The following TTF2 variants were observed in gnomAD, a reference collection of about 807,000 sequenced individuals.
The protein encoded by TTF2 is RNA polymerase II termination factor.
A neutral mutation model predicts 142.4 loss-of-function variants in TTF2; 108 were observed. That is an observed-to-expected ratio of 0.76 (90% CI 0.65 to 0.89). The LOEUF (loss-of-function observed/expected upper bound fraction) is 0.89, where lower values mean the gene tolerates loss of function less well. Among genes scored for constraint, TTF2 ranks in the 40% least tolerant of loss-of-function variants. The pLI, the probability that TTF2 is intolerant of heterozygous loss-of-function variation, is 0.00. For synonymous variants in TTF2, 483 were observed against 506.2 expected, an observed-to-expected ratio of 0.95 and a Z score of 0.61; for missense variants, 1,327 against 1,379.8, an observed-to-expected ratio of 0.96 and a Z score of 0.61.
Position 117,086,210 on chromosome 1 carries a change from G to A in TTF2, c.2055-207G>A, listed in dbSNP as rs1483437743. On this transcript the variant is annotated intron_variant, in intron 11 of 22. Transcript: ENST00000369466. This position sits in a 1 kb window ranked among gnomAD's most constrained non-coding sequence, Gnocchi z 4.2. ...AGACGGTAAATGATCAGAGGTAAGA[G>A]ATAGGGAAACCCAAGTGGGTAAAAT... Among the ~76,000 whole-genome samples, 1 of 151,956 alleles carries A rather than the reference G, an allele frequency of 6.6e-6. No homozygotes were observed.
intron 16 of TTF2, 34 bp downstream of exon 16, chr1:117,091,444 T>A (rs777708410): frequency 5.1e-6 from 8 of 1,564,296 alleles, no homozygotes; most frequent in Non-Finnish European, 6.1e-6. Context: ...TACATATGAC[T>A]GGTGAAAATG....
At chr1:117,081,420 T>G (rs1017429922) in intron 9 of TTF2, among the ~76,000 whole-genome samples, 1 of 152,194 alleles carries the variant, frequency 6.6e-6, no homozygotes, top group Non-Finnish European at 1.5e-5. Flanking sequence ...GAAGGCTATT[T>G]TAACTCCAGG....
intron 3 of TTF2, among the ~76,000 whole-genome samples, chr1:117,062,881 A>G (rs187316935): frequency 6.6e-6 from 1 of 152,342 alleles, no homozygotes; most frequent in East Asian, 1.9e-4. Context: ...TGGGAAGGGC[A>G]GAGAAGTCTA....
chr1:117,079,701 C>T lies in TTF2; in HGVS notation c.1783+52C>T, dbSNP rs1647325274. 2 of 1,523,600 alleles carry T rather than the reference C, an allele frequency of 1.3e-6. No homozygotes were observed. The highest frequency in any genetic ancestry group is 1.8e-6 in the Non-Finnish European group (2 of 1,097,370). 94.4% of individuals were successfully genotyped at this position (1,523,600 alleles called of 1,614,324 possible). On this transcript the variant is annotated intron_variant, in intron 9 of 22. Transcript: ENST00000369466. This position sits in a 1 kb window ranked among gnomAD's most constrained non-coding sequence, Gnocchi z 4.2. ...CTTTATTGAATGCTTAGGCATTGTG[C>T]TAAACACGTAGTGTTGTTTCATTTA... is the stretch of plus-strand genomic sequence containing the variant.
At position 117,096,156 on chromosome 1, in the gene TTF2, G is replaced by T; in HGVS notation, c.3043G>T (p.Val1015Phe). ...RNSASQKSVI[V>F]SQWTNMLKVV... is the part of the protein sequence containing the mutation. ...TTTTATTCTTCTTTCCAGTGTCATTGTCTCTCAGTGGACCAACATGCTGAA... is the reference window on the plus strand; with the variant it reads ...TTTTATTCTTCTTTCCAGTGTCATTTTCTCTCAGTGGACCAACATGCTGAA... The change falls in exon 20 of 23, where the codon GTC becomes TTC. Residue 1015 changes from valine (V) to phenylalanine (F), a missense_variant. By Grantham distance (50) the Val-to-Phe change is conservative. Coordinates refer to ENST00000369466, the MANE Select transcript of TTF2 (RefSeq NM_003594.4). 1.9e-6 allele frequency: 3 copies of T among 1,613,890 alleles called. No individual in the cohort carries two copies. The highest frequency in any genetic ancestry group is 2.5e-6 in the Non-Finnish European group (3 of 1,179,926).
At chr1:117,060,400 C>T (rs770413309) in intron 1 of TTF2, 26 bp downstream of exon 1, 9 of 1,607,878 alleles carry the variant, frequency 5.6e-6, no homozygotes, top group South Asian at 2.2e-5. Context: ...CTCAGCGTCC[C>T]GGGGCCTGTT....
chr1:117,103,000 G>A lies in TTF2; in HGVS notation c.*1476G>A, dbSNP rs773391935. On this transcript the variant is annotated 3_prime_UTR_variant, in exon 23 of 23. Transcript: ENST00000369466. ...CTGTGGAGAGAAGCGATTGATGTAA[G>A]TCACTTCTAGGTGGCCCTCTACCAC... is the stretch of plus-strand genomic sequence containing the variant. 6.6e-6 allele frequency: 1 copy of A among 152,186 alleles called. No homozygotes were observed. Among genetic ancestry groups the A allele is most frequent in the Non-Finnish European group, 1.5e-5 (1 of 68,038 alleles). The allele number at this position is 152,186 out of a possible 1,614,324, so 9.4% of individuals were successfully genotyped here. A position where few individuals can be genotyped will look rare whatever the true frequency, so the allele number is the denominator to read the frequency against.
Position 117,090,376 on chromosome 1 carries a change from A to T in TTF2, c.2497-156A>T, listed in dbSNP as rs1361498971. Among the ~76,000 whole-genome samples the T allele has an allele frequency of 6.6e-6, 1 of 152,224 alleles. No individual in the cohort carries two copies. The highest frequency in any genetic ancestry group is 2.4e-5 in the African/African-American group (1 of 41,454). ...TCCATGCCTAGTGTCATAGCAATCC[A>T]GTTGTACTGTATGTTGGAGCAGTCC... On this transcript the variant is annotated intron_variant, in intron 14 of 22. Coordinates refer to ENST00000369466, the MANE Select transcript of TTF2 (RefSeq NM_003594.4). The surrounding 1 kb of genome is among the most constrained non-coding windows in gnomAD (Gnocchi z 4.8).
intron 3 of TTF2, among the ~76,000 whole-genome samples, chr1:117,064,375 C>T (rs1655919369): frequency 6.6e-6 from 1 of 152,170 alleles, no homozygotes; most frequent in African/African-American, 2.4e-5. Context: ...TGGCACACTC[C>T]TGAAGTCTCA....
At position 117,092,011 on chromosome 1, in the gene TTF2, A is replaced by G. The variant is rs1387420667; in HGVS notation, c.2805+61A>G. The G allele has an allele frequency of 2.8e-5, 42 of 1,499,686 alleles. No individual in the cohort carries two copies. The highest frequency in any genetic ancestry group is 3.3e-5 in the Non-Finnish European group (36 of 1,107,594). 92.9% of individuals were successfully genotyped at this position (1,499,686 alleles called of 1,614,324 possible). A position where few individuals can be genotyped will look rare whatever the true frequency, so the allele number is the denominator to read the frequency against. ...TCCAGAGGGGCCACCTGAGAAGTCAATTTCACTCTCCTCCAACTGGAATCC... is the reference window on the plus strand; with the variant it reads ...TCCAGAGGGGCCACCTGAGAAGTCAGTTTCACTCTCCTCCAACTGGAATCC... On this transcript the variant is annotated intron_variant, in intron 17 of 22. Transcript: ENST00000369466. This position sits in a 1 kb window ranked among gnomAD's most constrained non-coding sequence, Gnocchi z 4.4.
intron 2 of TTF2, among the ~76,000 whole-genome samples, 163 bp downstream of exon 2, chr1:117,060,720 T>A (rs190100739): frequency 2.2e-4 from 33 of 152,290 alleles, no homozygotes; most frequent in Admixed American, 2.2e-3. Context: ...CAGCGTGGCG[T>A]GTTCGGAAGA....
rs1570888995 is a variant in TTF2 at position 117,098,752 on chromosome 1, C to G, written c.3270-81C>G. ...TTTAGCTACAAAAACAAGCTGTGGG[C>G]TGGATTTGGCCCATGGCCCATAGTT... On this transcript the variant is annotated intron_variant, in intron 21 of 22. Coordinates refer to ENST00000369466, the MANE Select transcript of TTF2 (RefSeq NM_003594.4). The G allele has an allele frequency of 8.5e-6, 10 of 1,177,602 alleles. No homozygotes were observed. In the East Asian group the frequency reaches 2.6e-4, roughly 30 times the overall value. 72.9% of individuals were successfully genotyped at this position (1,177,602 alleles called of 1,614,324 possible). A position where few individuals can be genotyped will look rare whatever the true frequency, so the allele number is the denominator to read the frequency against.
In TTF2 at chr1:117,086,393, G is replaced by T. The variant is rs755922380; in HGVS notation, c.2055-24G>T. ...TCCCTCTATAGTGGGACCATTTATT[G>T]ATTTCTTTGTTATGTCTACGCAGCC... On this transcript the variant is annotated intron_variant, in intron 11 of 22. Transcript: ENST00000369466. This position sits in a 1 kb window ranked among gnomAD's most constrained non-coding sequence, Gnocchi z 4.2. 8 of 1,561,734 alleles carry T rather than the reference G, an allele frequency of 5.1e-6. No homozygotes were observed. Among genetic ancestry groups the T allele is most frequent in the Non-Finnish European group, 7.1e-6 (8 of 1,132,960 alleles).
Position 117,093,370 on chromosome 1 carries a change from C to G in TTF2, c.2976+469C>G, listed in dbSNP as rs1648776194. On this transcript the variant is annotated intron_variant, in intron 18 of 22. Coordinates refer to ENST00000369466, the MANE Select transcript of TTF2 (RefSeq NM_003594.4). This position sits in a 1 kb window ranked among gnomAD's most constrained non-coding sequence, Gnocchi z 4.5. ...TTCTGTCTTCATTAGTCATTCTGCTCTGTTTTCGTCAGAGCTTTTTAAGGC... is the reference window on the plus strand; with the variant it reads ...TTCTGTCTTCATTAGTCATTCTGCTGTGTTTTCGTCAGAGCTTTTTAAGGC... 6.6e-6 allele frequency among the ~76,000 whole-genome samples: 1 copy of G among 152,172 alleles called. No individual in the cohort carries two copies. The highest frequency in any genetic ancestry group is 2.1e-4 in the South Asian group (1 of 4,828).
rs1649981901 is a variant in TTF2, at chr1:117,106,836, G to C, written c.*5312G>C. 6.6e-6 allele frequency: 1 copy of C among 152,234 alleles called. No homozygotes were observed. The highest frequency in any genetic ancestry group is 2.1e-4 in the South Asian group (1 of 4,832). 9.4% of individuals were successfully genotyped at this position (152,234 alleles called of 1,614,324 possible). ...TTCATTGAGCCAAACCTACCATACA[G>C]GGATACATTCTCTGGAGGAAAGTTG... On this transcript the variant is annotated 3_prime_UTR_variant, in exon 23 of 23. Coordinates refer to ENST00000369466, the MANE Select transcript of TTF2 (RefSeq NM_003594.4).
At chr1:117,077,427 A>G (rs1657103447) in intron 7 of TTF2, among the ~76,000 whole-genome samples, 1 of 152,234 alleles carries the variant, frequency 6.6e-6, no homozygotes. Flanking sequence ...GCATTTGTGG[A>G]TGAAAACTCT....
In TTF2 at chr1:117,099,768, C is replaced by T. The variant is rs1649436674; in HGVS notation, c.3344+861C>T. ...TGCCTATCTTTACTTGATTACTTCC[C>T]ATTCATTCCTCAGCCTTTACAAACT... On this transcript the variant is annotated intron_variant, in intron 22 of 22. Transcript: ENST00000369466. The surrounding 1 kb of genome is among the most constrained non-coding windows in gnomAD (Gnocchi z 4.3). Among the ~76,000 whole-genome samples, 1 of 152,196 alleles carries T rather than the reference C, an allele frequency of 6.6e-6. No homozygotes were observed. Among genetic ancestry groups the T allele is most frequent in the South Asian group, 2.1e-4 (1 of 4,836 alleles).
rs1356814969 is a variant in TTF2 at position 117,075,777 on chromosome 1, C to A, written c.1193C>A (p.Ala398Asp). ...AGTGTGCAAAGAAAGGTGTCTCCTG[C>A]CTCAGGTGTTTCCAAGAAGGTAGAA... ...DRSVQRKVSP[A>D]SGVSKKVEPS... The change falls in exon 5 of 23, where the codon GCC becomes GAC. Residue 398 changes from alanine to aspartate, a missense_variant. Coordinates refer to ENST00000369466, the MANE Select transcript of TTF2 (RefSeq NM_003594.4). This position sits in a 1 kb window ranked among gnomAD's most constrained non-coding sequence, Gnocchi z 4.5. 3 of 1,614,186 alleles carry A rather than the reference C, an allele frequency of 1.9e-6. No individual in the cohort carries two copies. In the East Asian group the frequency reaches 6.7e-5, roughly 36 times the overall value.
Position 117,080,804 on chromosome 1 carries a change from T to C in TTF2, c.1784-1024T>C, listed in dbSNP as rs576667947. ...GGGGCAGAATCCAGGGGAAACCAGG[T>C]ACAAGCTTCCAGTGTCCTCCCAGTG... is the stretch of plus-strand genomic sequence containing the variant. On this transcript the variant is annotated intron_variant, in intron 9 of 22. Transcript: ENST00000369466. This position sits in a 1 kb window ranked among gnomAD's most constrained non-coding sequence, Gnocchi z 4.3. Among the ~76,000 whole-genome samples the C allele has an allele frequency of 5.3e-5, 8 of 152,326 alleles. No homozygotes were observed. The highest frequency in any genetic ancestry group is 1.5e-5 in the Non-Finnish European group (1 of 68,030).
Sources: gnomAD v4.1 joint callset for allele counts (sites outside exome capture counted in the v4.1 genomes callset) on GRCh38, gnomAD v4.1.1 for gene constraint, Gnocchi (gnomAD v3.1) non-coding constraint, MANE v1.5 for transcripts, NCBI Gene and HGNC (gene_info 2026-07-23, HGNC 2026-07-21) for gene names.